The following ATP1B2 variants were observed in gnomAD, a reference collection of about 807,000 sequenced individuals.
ATP1B2 encodes the protein sodium/potassium-transporting ATPase subunit beta-2.
A neutral mutation model predicts 37.3 loss-of-function variants in ATP1B2; 12 were observed. The ratio of observed to expected loss-of-function variants is 0.32; its 90% confidence interval spans 0.21 to 0.52. ATP1B2 has a LOEUF of 0.52. Ranked by LOEUF, ATP1B2 falls within the 20% of genes least tolerant of loss-of-function variation. The pLI is 0.96. For missense variants in ATP1B2, 324 were observed against 391.6 expected (o/e 0.83, Z 1.46); for synonymous variants, 139 against 140.5 (o/e 0.99, Z 0.07).
At position 7,654,223 on chromosome 17, in the gene ATP1B2, C is replaced by T; in HGVS notation, c.518C>T (p.Thr173Ile). 3 of 1,614,098 alleles carry T rather than the reference C, an allele frequency of 1.9e-6. 1 individual carries two copies. The South Asian group carries it at 3.3e-5, about 18-fold the overall frequency. ...GACTCCACCCACTATGGTTACAGCA[C>T]TGGGCAGCCCTGTGTCTTCATCAAG... is the stretch of plus-strand genomic sequence containing the variant. ...IGDSTHYGYSTGQPCVFIKMN... is the reference protein window; with the variant it reads ...IGDSTHYGYSIGQPCVFIKMN... The change falls in exon 4 of 7, where the codon ACT (threonine) becomes ATT (isoleucine). Residue 173 changes from threonine (T) to isoleucine (I), a missense_variant. Thr to Ile is a moderately conservative substitution (Grantham distance 89, BLOSUM62 -1). Coordinates refer to ENST00000250111, the MANE Select transcript of ATP1B2 (RefSeq NM_001678.5). The surrounding 1 kb of genome is among the most constrained non-coding windows in gnomAD (Gnocchi z 4.9).
In ATP1B2 at chr17:7,651,003, C is replaced by G. The variant is rs898006991; in HGVS notation, c.-516C>G. ...CCCCCAGCTGCGCGTCCCCGCCCCACCCCCGCGGCTGAGCCACCACCGGTG... is the reference window on the plus strand; with the variant it reads ...CCCCCAGCTGCGCGTCCCCGCCCCAGCCCCGCGGCTGAGCCACCACCGGTG... On this transcript the variant is annotated 5_prime_UTR_variant, in exon 1 of 7. Transcript: ENST00000250111. 3 of 156,010 alleles carry G rather than the reference C, an allele frequency of 1.9e-5. No homozygotes were observed. The highest frequency in any genetic ancestry group is 3.9e-4 in the East Asian group (2 of 5,168). The allele number at this position is 156,010 out of a possible 1,614,324, so 9.7% of individuals were successfully genotyped here.
Position 7,655,004 on chromosome 17 carries a change from G to A in ATP1B2, c.609+320G>A, listed in dbSNP as rs139909835. 2.3e-3 allele frequency among the ~76,000 whole-genome samples: 346 copies of A among 152,084 alleles called. 2 individuals carry two copies. The highest frequency in any genetic ancestry group is 7.5e-3 in the African/African-American group (313 of 41,480). On this transcript the variant is annotated intron_variant, in intron 5 of 6. Transcript: ENST00000250111. This position sits in a 1 kb window ranked among gnomAD's most constrained non-coding sequence, Gnocchi z 4.4. The stretch of plus-strand genomic sequence containing the variant: ...CTTCTCCTTCATTCCCAGATTGTCC[G>A]TATCGTTCGCTCTCCCTCCCATATG...
intron 1 of ATP1B2, among the ~76,000 whole-genome samples, chr17:7,652,868 T>C (rs111635363): frequency 1.3e-4 from 20 of 152,262 alleles, no homozygotes; most frequent in African/African-American, 4.3e-4. Flanking sequence ...TGTTAGGTCT[T>C]TCATTTCAGG....
intron 1 of ATP1B2, among the ~76,000 whole-genome samples, chr17:7,652,236 T>C (rs990286133): frequency 1.3e-5 from 2 of 151,496 alleles, no homozygotes; most frequent in African/African-American, 2.4e-5. Context: ...GAGTGGTCGC[T>C]GTGGTGATTT....
rs781331275 is a variant in ATP1B2, at chr17:7,653,870, C to T, written c.271C>T (p.Leu91Phe). ...GLMIRPKTEN[L>F]DVIVNVSDTE... is the part of the protein sequence containing the mutation. ...GATGATTCGCCCCAAGACTGAGAAC[C>T]TTGATGTCATTGTCAATGTCAGTGA... The change falls in exon 3 of 7, where the codon CTT becomes TTT. Residue 91 changes from leucine to phenylalanine, a missense_variant. Transcript: ENST00000250111. 6.2e-7 allele frequency: 1 copy of T among 1,614,126 alleles called. No individual in the cohort carries two copies. Among genetic ancestry groups the T allele is most frequent in the Non-Finnish European group, 8.5e-7 (1 of 1,180,026 alleles).
chr17:7,656,963 G>A lies in ATP1B2; in HGVS notation c.*1068G>A, dbSNP rs538188658. The A allele has an allele frequency of 6.6e-6, 1 of 152,106 alleles. No homozygotes were observed. The highest frequency in any genetic ancestry group is 6.6e-5 in the Admixed American group (1 of 15,232). 9.4% of individuals were successfully genotyped at this position (152,106 alleles called of 1,614,324 possible). A position where few individuals can be genotyped will look rare whatever the true frequency, so the allele number is the denominator to read the frequency against. ...CCCAAAGTGTTGGGATTACAGGCGT[G>A]AGCCACCGCGCCCGGCCTTCAGTTT... On this transcript the variant is annotated 3_prime_UTR_variant, in exon 7 of 7. Transcript: ENST00000250111.
Position 7,654,157 on chromosome 17 carries a change from A to C in ATP1B2, c.452A>C (p.Gln151Pro). The change falls in exon 4 of 7, where the codon CAA (glutamine) becomes CCA (proline). Residue 151 changes from glutamine to proline, a missense_variant. Physicochemically the swap from Gln to Pro is moderately conservative, Grantham distance 76. Transcript: ENST00000250111. The surrounding 1 kb of genome is among the most constrained non-coding windows in gnomAD (Gnocchi z 4.9). The stretch of plus-strand genomic sequence containing the variant: ...CTCAACTACCCCAAACGTGCCTGCC[A>C]ATTCAACCGGACCCAGCTGGGCAAC... ...GVLNYPKRAC[Q>P]FNRTQLGNCS... 1 of 1,614,192 alleles carries C rather than the reference A, an allele frequency of 6.2e-7. No homozygotes were observed. Among genetic ancestry groups the C allele is most frequent in the Non-Finnish European group, 8.5e-7 (1 of 1,180,038 alleles).
Position 7,656,789 on chromosome 17 carries a change from T to C in ATP1B2, c.*894T>C, listed in dbSNP as rs1163534917. 1 of 151,880 alleles carries C rather than the reference T, an allele frequency of 6.6e-6. No homozygotes were observed. The highest frequency in any genetic ancestry group is 1.5e-5 in the Non-Finnish European group (1 of 68,042). The allele number at this position is 151,880 out of a possible 1,614,324, so 9.4% of individuals were successfully genotyped here. ...CTCCCGCCTCAGGTTCCCGAGTAGC[T>C]GGGACTACAGGCATGTGCCACCATG... is the stretch of plus-strand genomic sequence containing the variant. On this transcript the variant is annotated 3_prime_UTR_variant, in exon 7 of 7. Coordinates refer to ENST00000250111, the MANE Select transcript of ATP1B2 (RefSeq NM_001678.5).
In ATP1B2 at chr17:7,655,520, C is replaced by T; in HGVS notation, c.610-7C>T. The T allele has an allele frequency of 1.2e-6, 2 of 1,613,980 alleles. No individual in the cohort carries two copies. Among genetic ancestry groups the T allele is most frequent in the East Asian group, 2.2e-5 (1 of 44,896 alleles). The stretch of plus-strand genomic sequence containing the variant: ...GGCTCACCCCCTATCTTCCTGCACC[C>T]CCACAGCGAGATGAAGATGCTGAGA... On this transcript the variant is annotated splice_region_variant and splice_polypyrimidine_tract_variant and intron_variant, in intron 5 of 6. Coordinates refer to ENST00000250111, the MANE Select transcript of ATP1B2 (RefSeq NM_001678.5). The surrounding 1 kb of genome is among the most constrained non-coding windows in gnomAD (Gnocchi z 4.4).
upstream of ATP1B2, among the ~76,000 whole-genome samples, chr17:7,650,877 C>G (rs1303187836): frequency 6.6e-6 from 1 of 152,152 alleles, no homozygotes; most frequent in Non-Finnish European, 1.5e-5. Flanking sequence ...GGGGCGGGCA[C>G]CCCCAGAGCC....
Position 7,655,681 on chromosome 17 carries a change from G to GGT in ATP1B2, c.709-49_709-48insTG. On this transcript the variant is annotated intron_variant, in intron 6 of 6. Transcript: ENST00000250111. The surrounding 1 kb of genome is among the most constrained non-coding windows in gnomAD (Gnocchi z 4.4). Reference sequence around the variant, plus strand: ...CGGGTGCGGGTGGTGAGCTAGGGAAGGAGGCCGCGTTGCCCCAGGCCTAGA... The same window carrying GGT: ...CGGGTGCGGGTGGTGAGCTAGGGAAGGTGAGGCCGCGTTGCCCCAGGCCTAGA... 6.2e-7 allele frequency: 1 copy of GGT among 1,613,910 alleles called. No homozygotes were observed. The highest frequency in any genetic ancestry group is 1.1e-5 in the South Asian group (1 of 91,084).
At chr17:7,652,349 G>A (rs889678980) in intron 1 of ATP1B2, among the ~76,000 whole-genome samples, 1 of 152,086 alleles carries the variant, frequency 6.6e-6, no homozygotes, top group Admixed American at 6.6e-5. Flanking sequence ...CGGGGGTTGG[G>A]GGGGTGGAGG....
At position 7,655,097 on chromosome 17, in the gene ATP1B2, T is replaced by G; in HGVS notation, c.609+413T>G. 3.3e-6 allele frequency: 1 copy of G among 306,000 alleles called. No individual in the cohort carries two copies. The highest frequency in any genetic ancestry group is 6.1e-6 in the Non-Finnish European group (1 of 163,174). The allele number at this position is 306,000 out of a possible 1,614,324, so 19.0% of individuals were successfully genotyped here. ...ATCTGTTAGCACCATCTGCCACCAG[T>G]TCGTTGTCCTTGGGACCCTGTTCCC... On this transcript the variant is annotated intron_variant, in intron 5 of 6. Coordinates refer to ENST00000250111, the MANE Select transcript of ATP1B2 (RefSeq NM_001678.5). This position sits in a 1 kb window ranked among gnomAD's most constrained non-coding sequence, Gnocchi z 4.4.
Position 7,655,538 on chromosome 17 carries a change from T to C in ATP1B2, c.621T>C (p.Asp207=). ...CTGCACCCCCACAGCGAGATGAAGATGCTGAGAATCTCGGCAACTTCGTCA... is the reference window on the plus strand; with the variant it reads ...CTGCACCCCCACAGCGAGATGAAGACGCTGAGAATCTCGGCAACTTCGTCA... ...NVTCAGKRDE[D]AENLGNFVMF... Residue 207 remains aspartate, a synonymous_variant, in exon 6 of 7, where the codon GAT becomes GAC. Transcript: ENST00000250111. This position sits in a 1 kb window ranked among gnomAD's most constrained non-coding sequence, Gnocchi z 4.4. The C allele has an allele frequency of 6.2e-7, 1 of 1,614,170 alleles. No individual in the cohort carries two copies. The highest frequency in any genetic ancestry group is 1.3e-5 in the African/African-American group (1 of 75,026).
At position 7,656,119 on chromosome 17, in the gene ATP1B2, C is replaced by A; in HGVS notation, c.*224C>A. The A allele has an allele frequency of 1.6e-6, 1 of 612,534 alleles. No homozygotes were observed. Among genetic ancestry groups the A allele is most frequent in the Non-Finnish European group, 2.8e-6 (1 of 355,572 alleles). The allele number at this position is 612,534 out of a possible 1,614,324, so 37.9% of individuals were successfully genotyped here. On this transcript the variant is annotated 3_prime_UTR_variant, in exon 7 of 7. Coordinates refer to ENST00000250111, the MANE Select transcript of ATP1B2 (RefSeq NM_001678.5). Reference sequence around the variant, plus strand: ...TTCTCCCAACCTCAGATCAGTCAGACAGGGAGCTGGGCTAAGATGGCCACG... The same window carrying A: ...TTCTCCCAACCTCAGATCAGTCAGAAAGGGAGCTGGGCTAAGATGGCCACG...
At position 7,654,089 on chromosome 17, in the gene ATP1B2, C is replaced by T. The variant is rs2072632830; in HGVS notation, c.384C>T (p.Val128=). The part of the protein sequence containing the change: ...NDSIQAQKND[V]CRPGRYYEQP... ...CTATCCAAGCCCAAAAGAATGATGTCTGCCGCCCTGGACGCTATTACGAAC... is the reference window on the plus strand; with the variant it reads ...CTATCCAAGCCCAAAAGAATGATGTTTGCCGCCCTGGACGCTATTACGAAC... Residue 128 remains valine (V), a synonymous_variant, in exon 4 of 7, where the codon GTC becomes GTT. Coordinates refer to ENST00000250111, the MANE Select transcript of ATP1B2 (RefSeq NM_001678.5). This position sits in a 1 kb window ranked among gnomAD's most constrained non-coding sequence, Gnocchi z 4.9. 6.2e-7 allele frequency: 1 copy of T among 1,614,204 alleles called. No individual in the cohort carries two copies. Among genetic ancestry groups the T allele is most frequent in the East Asian group, 2.2e-5 (1 of 44,892 alleles).
chr17:7,651,161 GGTTTTTGTAGCCGTCT>G lies in ATP1B2; in HGVS notation c.-350_-335del. The G allele has an allele frequency of 8.9e-6, 2 of 224,318 alleles. No homozygotes were observed. The highest frequency in any genetic ancestry group is 1.0e-4 in the South Asian group (2 of 19,946). 13.9% of individuals were successfully genotyped at this position (224,318 alleles called of 1,614,324 possible). A position where few individuals can be genotyped will look rare whatever the true frequency, so the allele number is the denominator to read the frequency against. On this transcript the variant is annotated 5_prime_UTR_variant, in exon 1 of 7. Coordinates refer to ENST00000250111, the MANE Select transcript of ATP1B2 (RefSeq NM_001678.5). ...CCCGCTTTTTTTCTGCGTTCTGCTC[GGTTTTTGTAGCCGTCT>G]GTTTTTGCACCCCATTTCGTTTTGT...
intron 1 of ATP1B2, among the ~76,000 whole-genome samples, chr17:7,652,908 G>T (rs2072623235): frequency 6.6e-6 from 1 of 152,166 alleles, no homozygotes; most frequent in Non-Finnish European, 1.5e-5. Flanking sequence ...CTTCTGAAGG[G>T]CACCAGGAGA....
rs887170532 is a variant in ATP1B2, at chr17:7,654,469, T to C, written c.553-159T>C. Among the ~76,000 whole-genome samples, 4 of 152,092 alleles carry C rather than the reference T, an allele frequency of 2.6e-5. No homozygotes were observed. The highest frequency in any genetic ancestry group is 4.8e-5 in the African/African-American group (2 of 41,408). The stretch of plus-strand genomic sequence containing the variant: ...GTTTTTTTTTTAGACAGGGTCTTGC[T>C]ATGTTGCCCAGGCTGGCCTTGAACT... On this transcript the variant is annotated intron_variant, in intron 4 of 6. Coordinates refer to ENST00000250111, the MANE Select transcript of ATP1B2 (RefSeq NM_001678.5). This position sits in a 1 kb window ranked among gnomAD's most constrained non-coding sequence, Gnocchi z 4.9.
Sources: gnomAD v4.1 joint callset for allele counts (sites outside exome capture counted in the v4.1 genomes callset) on GRCh38, gnomAD v4.1.1 for gene constraint, Gnocchi (gnomAD v3.1) non-coding constraint, MANE v1.5 for transcripts, NCBI Gene and HGNC (gene_info 2026-07-23, HGNC 2026-07-21) for gene names.